The following PRRC1 variants were observed in gnomAD, a reference collection of about 807,000 sequenced individuals.
PRRC1 encodes proline rich coiled-coil 1, also known as protein PRRC1.
A neutral mutation model predicts 40.7 loss-of-function variants in PRRC1; 39 were observed. The observed-to-expected ratio is 0.96, with a 90% confidence interval of 0.74 to 1.25. The LOEUF (loss-of-function observed/expected upper bound fraction) is 1.25. Ranked by LOEUF, PRRC1 falls within the 50% of genes most tolerant of loss-of-function variation. The probability of loss-of-function intolerance (pLI) is 0.00; values close to 1 mark genes in which losing one functional copy is unlikely to be tolerated. For missense variants in PRRC1, 573 were observed against 548.3 expected, an observed-to-expected ratio of 1.05 and a Z score of -0.45; for synonymous variants, 175 against 193.3, an observed-to-expected ratio of 0.91 and a Z score of 0.79.
chr5:127,549,751 G>C (rs1768323853), intron 8 of PRRC1: 1 of 152,142 alleles, frequency 6.6e-6, no homozygotes, highest in Non-Finnish European at 1.5e-5. Flanking sequence ...ACCCATGCCA[G>C]TTTGCTTACT....
chr5:127,534,735 A>C (rs918347207), intron 6 of PRRC1, among the ~76,000 whole-genome samples: 13 of 152,160 alleles, frequency 8.5e-5, no homozygotes, highest in African/African-American at 2.7e-4. Flanking sequence ...TAACAGTTCC[A>C]AATTTATATC....
intron 7 of PRRC1, among the ~76,000 whole-genome samples, chr5:127,542,458 A>G (rs974107511): frequency 2.0e-5 from 3 of 152,126 alleles, no homozygotes; most frequent in Non-Finnish European, 2.9e-5. Context: ...TGATCTGTCT[A>G]ATGTTGACAG....
At chr5:127,527,757 CAAAA>C (rs11395244) in intron 4 of PRRC1, among the ~76,000 whole-genome samples, 44 of 80,264 alleles carry the variant, frequency 5.5e-4, no homozygotes, top group African/African-American at 1.8e-3. Flanking sequence ...GACACTGTCT[CAAAA>C]AAAAAAAAAA....
chr5:127,534,790 G>A (rs1767854174), intron 6 of PRRC1, among the ~76,000 whole-genome samples: 1 of 152,016 alleles, frequency 6.6e-6, no homozygotes, highest in South Asian at 2.1e-4. Context: ...TATATAAGTT[G>A]CCTTTTTGAC....
intron 7 of PRRC1, among the ~76,000 whole-genome samples, chr5:127,540,362 C>G (rs1768009123): frequency 6.6e-6 from 1 of 151,980 alleles, no homozygotes; most frequent in African/African-American, 2.4e-5. Context: ...TCCCTTTTCA[C>G]CTTTTGCGGT....
At chr5:127,546,524 C>T (rs1433364122) in intron 7 of PRRC1, among the ~76,000 whole-genome samples, 1 of 152,112 alleles carries the variant, frequency 6.6e-6, no homozygotes, top group Non-Finnish European at 1.5e-5. Context: ...GAAGGTTCAT[C>T]CTTTCCTCTA....
chr5:127,541,028 T>A (rs563972474), intron 7 of PRRC1, among the ~76,000 whole-genome samples: 2 of 152,322 alleles, frequency 1.3e-5, no homozygotes, highest in East Asian at 1.9e-4. Context: ...ATAGCTCTTA[T>A]TATTTTGAGA....
chr5:127,527,252 A>T (rs1288703357), intron 4 of PRRC1, among the ~76,000 whole-genome samples: 3 of 152,222 alleles, frequency 2.0e-5, no homozygotes, highest in Admixed American at 2.0e-4. Flanking sequence ...TGATGTATAC[A>T]TGAAGTGTGT....
chr5:127,552,890 G>T lies in PRRC1; in HGVS notation c.*974G>T. ...TACTTTTTTAACTTTGTGCCATTTGGTCTTTACTTTTTATGGATGTTTTCA... is the reference window on the plus strand; with the variant it reads ...TACTTTTTTAACTTTGTGCCATTTGTTCTTTACTTTTTATGGATGTTTTCA... On this transcript the variant is annotated 3_prime_UTR_variant, in exon 9 of 9. Transcript: ENST00000296666. 1.0e-6 allele frequency: 1 copy of T among 961,446 alleles called. No individual in the cohort carries two copies. The highest frequency in any genetic ancestry group is 1.2e-6 in the Non-Finnish European group (1 of 808,266). The allele number at this position is 961,446 out of a possible 1,614,324, so 59.6% of individuals were successfully genotyped here. A position where few individuals can be genotyped will look rare whatever the true frequency, so the allele number is the denominator to read the frequency against.
chr5:127,525,747 A>G (rs920428763), intron 3 of PRRC1, among the ~76,000 whole-genome samples: 7 of 152,188 alleles, frequency 4.6e-5, no homozygotes, highest in African/African-American at 1.7e-4. Context: ...AATTTAGTAT[A>G]TGATTTTTTT....
chr5:127,544,963 T>C (rs1379556743), intron 7 of PRRC1, among the ~76,000 whole-genome samples: 1 of 152,214 alleles, frequency 6.6e-6, no homozygotes, highest in African/African-American at 2.4e-5. Flanking sequence ...AAATCACCCG[T>C]CTTCTGCGTC....
rs1768415823 is a variant in PRRC1, at chr5:127,552,333, C to T, written c.*417C>T. 2.0e-6 allele frequency: 2 copies of T among 1,023,768 alleles called. No homozygotes were observed. Among genetic ancestry groups the T allele is most frequent in the South Asian group, 7.6e-5 (2 of 26,478 alleles). The allele number at this position is 1,023,768 out of a possible 1,614,324, so 63.4% of individuals were successfully genotyped here. On this transcript the variant is annotated 3_prime_UTR_variant, in exon 9 of 9. Coordinates refer to ENST00000296666, the MANE Select transcript of PRRC1 (RefSeq NM_130809.5). ...GATTTGCTTTGGCTTCATCTCTTTT[C>T]TGTCAGTCTTTGACTACTTTTGTAT...
At chr5:127,534,509 A>G (rs1368101715) in intron 6 of PRRC1, among the ~76,000 whole-genome samples, 1 of 152,188 alleles carries the variant, frequency 6.6e-6, no homozygotes, top group Non-Finnish European at 1.5e-5. Context: ...TGGACTTACC[A>G]GAGGCTTTTG....
At chr5:127,537,226 C>T (rs1219273933) in intron 6 of PRRC1, among the ~76,000 whole-genome samples, 1 of 151,756 alleles carries the variant, frequency 6.6e-6, no homozygotes, top group African/African-American at 2.4e-5. Flanking sequence ...AACCAAGTTG[C>T]TTAGTATAAG....
At chr5:127,532,490 G>A (rs936979715) in intron 5 of PRRC1, among the ~76,000 whole-genome samples, 3 of 152,128 alleles carry the variant, frequency 2.0e-5, no homozygotes, top group Admixed American at 1.3e-4. Context: ...AAAAGTATTA[G>A]AAATGGCAGG....
At chr5:127,542,540 T>G (rs1232107693) in intron 7 of PRRC1, among the ~76,000 whole-genome samples, 1 of 151,310 alleles carries the variant, frequency 6.6e-6, no homozygotes, top group Non-Finnish European at 1.5e-5. Flanking sequence ...AGGACTTGCT[T>G]TATGAATCTG....
At chr5:127,527,022 T>C (rs1285239403) in intron 4 of PRRC1, among the ~76,000 whole-genome samples, 3 of 152,252 alleles carry the variant, frequency 2.0e-5, no homozygotes, top group Non-Finnish European at 4.4e-5. Flanking sequence ...TGGTCTTTAC[T>C]GAGCATATAT....
chr5:127,532,982 C>G (rs1280691707), intron 5 of PRRC1, among the ~76,000 whole-genome samples: 1 of 151,832 alleles, frequency 6.6e-6, no homozygotes. Flanking sequence ...AATAGTAGTA[C>G]TTAGGTTGTT....
At position 127,527,541 on chromosome 5, in the gene PRRC1, C is replaced by T. The variant is rs116743696; in HGVS notation, c.654+763C>T. 1.8e-3 allele frequency among the ~76,000 whole-genome samples: 277 copies of T among 151,794 alleles called. 1 individual carries two copies. Among genetic ancestry groups the T allele is most frequent in the South Asian group, 0.01 (48 of 4,796 alleles). Reference sequence around the variant, plus strand: ...GCCCAGGCAGGGGGATTGCTTGAGTCGAGGAGTTCTGTATGAGACCAGCCT... The same window carrying T: ...GCCCAGGCAGGGGGATTGCTTGAGTTGAGGAGTTCTGTATGAGACCAGCCT... On this transcript the variant is annotated intron_variant, in intron 4 of 8. Transcript: ENST00000296666.
Sources: allele counts gnomAD v4.1 joint callset (sites outside exome capture counted in the v4.1 genomes callset), GRCh38; gene constraint gnomAD v4.1.1; transcripts MANE v1.5; gene names NCBI Gene and HGNC (gene_info 2026-07-23, HGNC 2026-07-21).